OPTN: variants seen among roughly 807,000 people sequenced by gnomAD.
OPTN encodes optineurin, also known as E3-14.7K-interacting protein.
OPTN carries 54 observed loss-of-function variants against 70.4 expected under a neutral mutation model. That is an observed-to-expected ratio of 0.77 (90% CI 0.62 to 0.96). OPTN has a LOEUF of 0.96. Ranked by LOEUF, OPTN falls within the 40% of genes least tolerant of loss-of-function variation. OPTN has a pLI of 0.00. For synonymous variants in OPTN, 256 were observed against 248.5 expected, an observed-to-expected ratio of 1.03 and a Z score of -0.28; for missense variants, 624 against 673.2, an observed-to-expected ratio of 0.93 and a Z score of 0.81.
intron 12 of OPTN, among the ~76,000 whole-genome samples, chr10:13,129,114 C>T (rs1833536277): frequency 6.6e-6 from 1 of 152,056 alleles, no homozygotes; most frequent in Non-Finnish European, 1.5e-5. Flanking sequence ...ATGTACAAAC[C>T]ATTTGAAATT....
At chr10:13,124,174 T>C in intron 9 of OPTN, 64 bp downstream of exon 9, 1 of 893,192 alleles carries the variant, frequency 1.1e-6, no homozygotes, top group Non-Finnish European at 1.8e-6. Flanking sequence ...TATACTACTA[T>C]ATAAAAACAT....
rs769726736 is a variant in OPTN, at chr10:13,118,872, C to G, written c.627-16C>G. The G allele has an allele frequency of 6.2e-7, 1 of 1,612,980 alleles. No homozygotes were observed. Among genetic ancestry groups the G allele is most frequent in the African/African-American group, 1.3e-5 (1 of 75,024 alleles). On this transcript the variant is annotated splice_polypyrimidine_tract_variant and intron_variant, in intron 6 of 14. Transcript: ENST00000378747. ...AATTTTTCTGATGAAAACCTTTTAACCTTTATACTGAACAGGGCATTGTCT... is the reference window on the plus strand; with the variant it reads ...AATTTTTCTGATGAAAACCTTTTAAGCTTTATACTGAACAGGGCATTGTCT...
intron 11 of OPTN, among the ~76,000 whole-genome samples, chr10:13,126,334 G>C (rs1337965888): frequency 6.7e-6 from 1 of 148,952 alleles, no homozygotes; most frequent in Non-Finnish European, 1.5e-5. Context: ...AGGCTGGAGT[G>C]CAGTGGCGCG....
intron 4 of OPTN, among the ~76,000 whole-genome samples, chr10:13,111,301 C>T (rs768490829): frequency 6.6e-6 from 1 of 152,180 alleles, no homozygotes; most frequent in Non-Finnish European, 1.5e-5. Flanking sequence ...ATTATTCCAG[C>T]ATGGCAAGGA....
intron 1 of OPTN, chr10:13,104,425 CTT>C (rs34844442): frequency 0.56 from 83,423 of 148,356 alleles, 22,576 homozygotes; most frequent in Non-Finnish European, 0.58. Context: ...CACCCAGCTA[CTT>C]TTTTTTTTTT....
At chr10:13,109,399 G>A (rs1438557118) in intron 3 of OPTN, 111 bp downstream of exon 3, 53 of 1,098,326 alleles carry the variant, frequency 4.8e-5, no homozygotes, top group Non-Finnish European at 6.8e-5. Flanking sequence ...TCCATAGGTG[G>A]TAGCTGGTGG....
chr10:13,110,213 G>C, intron 3 of OPTN, 61 bp from the exon 4 acceptor site: 1 of 1,595,356 alleles, frequency 6.3e-7, no homozygotes, highest in Admixed American at 1.8e-5. Context: ...AGGGAGATTT[G>C]GTTCATCAGA....
At chr10:13,134,047 A>G (rs6602633) in intron 14 of OPTN, among the ~76,000 whole-genome samples, 120,196 of 152,080 alleles carry the variant, frequency 0.79, 47,733 homozygotes, top group Middle Eastern at 0.94. Flanking sequence ...GACCTCAACT[A>G]ACCTGCCTGT....
Position 13,136,938 on chromosome 10 carries a change from G to C in OPTN, c.*72G>C, listed in dbSNP as rs374859795. On this transcript the variant is annotated 3_prime_UTR_variant, in exon 15 of 15. Transcript: ENST00000378747. ...TTTCCTCCAAGAGTTGTGCTTTTGTGTTATTTGTTTTCACTCAAATATTTT... is the reference window on the plus strand; with the variant it reads ...TTTCCTCCAAGAGTTGTGCTTTTGTCTTATTTGTTTTCACTCAAATATTTT... 1.9e-6 allele frequency: 3 copies of C among 1,595,830 alleles called. No individual in the cohort carries two copies. Among genetic ancestry groups the C allele is most frequent in the African/African-American group, 1.3e-5 (1 of 74,670 alleles).
intron 8 of OPTN, chr10:13,122,733 G>A (rs1182146466): frequency 6.8e-6 from 3 of 438,318 alleles, no homozygotes; most frequent in South Asian, 2.0e-5. Flanking sequence ...CTGGAGTGCA[G>A]TGGCACGATC....
intron 8 of OPTN, chr10:13,123,241 A>T (rs1395608515): frequency 1.3e-5 from 2 of 152,848 alleles, no homozygotes; most frequent in East Asian, 3.8e-4. Flanking sequence ...TAATTGAGAG[A>T]GGTGCCTTCG....
At position 13,117,143 on chromosome 10, in the gene OPTN, T is replaced by G. The variant is rs192070730; in HGVS notation, c.626+803T>G. 8.6e-3 allele frequency among the ~76,000 whole-genome samples: 1,204 copies of G among 139,512 alleles called. 26 individuals carry two copies. The highest frequency in any genetic ancestry group is 0.03 in the African/African-American group (1,139 of 37,476). 91.5% of individuals were successfully genotyped at this position (139,512 alleles called of 152,430 possible). On this transcript the variant is annotated intron_variant, in intron 6 of 14. Coordinates refer to ENST00000378747, the MANE Select transcript of OPTN (RefSeq NM_001008212.2). ...TTGCCCAGGCTGGAGTGCAGTGGCG[T>G]GATCTCGGCTCACTGCAAGCTCCGC...
intron 5 of OPTN, among the ~76,000 whole-genome samples, chr10:13,113,178 C>A (rs1343059590): frequency 6.6e-6 from 1 of 152,122 alleles, no homozygotes; most frequent in Non-Finnish European, 1.5e-5. Context: ...CATGCCATCA[C>A]ACCCGGCTAA....
intron 9 of OPTN, among the ~76,000 whole-genome samples, chr10:13,124,970 G>A (rs748034103): frequency 2.0e-5 from 3 of 152,104 alleles, no homozygotes; most frequent in East Asian, 1.9e-4. Context: ...TCCTCTTTCC[G>A]ATCTTTAAGA....
chr10:13,115,452 C>A (rs1164979554), intron 5 of OPTN, among the ~76,000 whole-genome samples: 20 of 88,280 alleles, frequency 2.3e-4, no homozygotes, highest in African/African-American at 8.8e-4. Context: ...ATAATATATT[C>A]TATATTATAT....
In OPTN at chr10:13,138,261, A is replaced by C. The variant is rs1190770880; in HGVS notation, c.*1395A>C. On this transcript the variant is annotated 3_prime_UTR_variant, in exon 15 of 15. Coordinates refer to ENST00000378747, the MANE Select transcript of OPTN (RefSeq NM_001008212.2). ...AAGTAAACAGTGTGTTTATGCATTG[A>C]GATACTAAAGCATTTAAGAAAAAAT... 1 of 181,082 alleles carries C rather than the reference A, an allele frequency of 5.5e-6. No homozygotes were observed. The highest frequency in any genetic ancestry group is 9.1e-5 in the East Asian group (1 of 11,024). 11.2% of individuals were successfully genotyped at this position (181,082 alleles called of 1,614,324 possible). A position where few individuals can be genotyped will look rare whatever the true frequency, so the allele number is the denominator to read the frequency against.
Position 13,137,973 on chromosome 10 carries a change from T to C in OPTN, c.*1107T>C. 1 of 210,086 alleles carries C rather than the reference T, an allele frequency of 4.8e-6. No individual in the cohort carries two copies. Among genetic ancestry groups the C allele is most frequent in the Middle Eastern group, 1.6e-3 (1 of 644 alleles). The allele number at this position is 210,086 out of a possible 1,614,324, so 13.0% of individuals were successfully genotyped here. ...AGTGATGGCAAAATAAAATTTTGCT[T>C]ATGAATCTTTTACATTGTTTATATA... On this transcript the variant is annotated 3_prime_UTR_variant, in exon 15 of 15. Coordinates refer to ENST00000378747, the MANE Select transcript of OPTN (RefSeq NM_001008212.2).
At chr10:13,126,952 A>C (rs1351911114) in intron 11 of OPTN, among the ~76,000 whole-genome samples, 1 of 152,144 alleles carries the variant, frequency 6.6e-6, no homozygotes, top group Non-Finnish European at 1.5e-5. Context: ...TGAGCCTAGG[A>C]GGTCAAGGCT....
intron 2 of OPTN, 21 bp from the exon 3 acceptor site, chr10:13,109,091 C>T: frequency 6.2e-7 from 1 of 1,612,794 alleles, no homozygotes; most frequent in South Asian, 1.1e-5. Context: ...GCTCTATTTT[C>T]AACAGGTGAC....
Sources: allele counts gnomAD v4.1 joint callset (sites outside exome capture counted in the v4.1 genomes callset), GRCh38; gene constraint gnomAD v4.1.1; transcripts MANE v1.5; gene names NCBI Gene and HGNC (gene_info 2026-07-23, HGNC 2026-07-21).